Variants in MEI1 observed in about 807,000 individuals in gnomAD.
The protein encoded by MEI1 is meiosis inhibitor protein 1.
A neutral mutation model predicts 146.2 loss-of-function variants in MEI1; 103 were observed. The ratio of observed to expected loss-of-function variants is 0.70; its 90% CI spans 0.60 to 0.83. MEI1 has a LOEUF of 0.83. Ranked by LOEUF, MEI1 falls within the 40% of genes least tolerant of loss-of-function variation. The pLI is 0.00. For missense variants in MEI1, 1,529 were observed against 1,533.0 expected (o/e 1.00, Z 0.04); for synonymous variants, 652 against 628.2 (o/e 1.04, Z -0.57).
intron 30 of MEI1, among the ~76,000 whole-genome samples, chr22:41,798,363 G>A (rs1349553901): frequency 1.3e-5 from 2 of 152,090 alleles, no homozygotes; most frequent in African/African-American, 4.8e-5. Flanking sequence ...GATCACCTGA[G>A]CTCAGGAGTT....
intron 11 of MEI1, among the ~76,000 whole-genome samples, chr22:41,742,264 T>C (rs73426969): frequency 0.016 from 2,452 of 152,136 alleles, 61 homozygotes; most frequent in African/African-American, 0.055. Context: ...CATCTCTGGA[T>C]CTTAGTAACA....
Position 41,784,675 on chromosome 22 carries a change from G to T in MEI1, c.3237G>T (p.Val1079=), listed in dbSNP as rs200941710. 1.2e-6 allele frequency: 2 copies of T among 1,613,536 alleles called. No individual in the cohort carries two copies. The highest frequency in any genetic ancestry group is 1.7e-4 in the Middle Eastern group (1 of 6,060). The change falls in exon 26 of 31, where the codon GTG becomes GTT. Residue 1079 remains valine, a synonymous_variant. Coordinates refer to ENST00000401548, the MANE Select transcript of MEI1 (RefSeq NM_152513.4). ...QSFSSALVAL[V]PSGAQPLPAT... ...TTTCCTCTGCCCTGGTAGCCCTGGT[G>T]CCCTCAGGGGCCCAGCCACTGCCAG...
At chr22:41,701,675 C>T (rs945295620) in intron 1 of MEI1, among the ~76,000 whole-genome samples, 3 of 151,862 alleles carry the variant, frequency 2.0e-5, no homozygotes, top group Non-Finnish European at 4.4e-5. Flanking sequence ...GACAGTGCAG[C>T]GGGGAGAAAT....
intron 14 of MEI1, chr22:41,747,262 CTG>C (rs1231768901): frequency 1.3e-5 from 2 of 149,560 alleles, no homozygotes; most frequent in Non-Finnish European, 3.0e-5. Context: ...TAATTCAGAG[CTG>C]TGTTTACCAC....
intron 3 of MEI1, among the ~76,000 whole-genome samples, chr22:41,706,772 A>G (rs1294721012): frequency 8.5e-5 from 13 of 152,102 alleles, no homozygotes; most frequent in Admixed American, 4.6e-4. Context: ...AAGGGTTTGT[A>G]GAGAAAGAAG....
At chr22:41,728,911 T>C (rs570707106) in intron 7 of MEI1, among the ~76,000 whole-genome samples, 1 of 150,674 alleles carries the variant, frequency 6.6e-6, no homozygotes, top group Non-Finnish European at 1.5e-5. Context: ...CATGCCTATA[T>C]TCCCAGCACT....
chr22:41,701,141 G>C (rs1255753380), intron 1 of MEI1, among the ~76,000 whole-genome samples: 1 of 151,876 alleles, frequency 6.6e-6, no homozygotes, highest in Admixed American at 6.6e-5. Flanking sequence ...GTTTCTCCAT[G>C]TTGGTCAGGT....
Position 41,769,922 on chromosome 22 carries a change from G to A in MEI1, c.2269-764G>A, listed in dbSNP as rs149828393. Among the ~76,000 whole-genome samples, 519 of 151,556 alleles carry A rather than the reference G, an allele frequency of 3.4e-3. 1 individual carries two copies. The highest frequency in any genetic ancestry group is 7.4e-3 in the Admixed American group (113 of 15,220). On this transcript the variant is annotated intron_variant, in intron 19 of 30. Transcript: ENST00000401548. ...GGCCAAGGCGGGCAGATCACCTGAG[G>A]TCAGGGGTTTGAAACCAGCCTGACC...
intron 26 of MEI1, among the ~76,000 whole-genome samples, chr22:41,787,162 G>A (rs543034317): frequency 4.6e-5 from 7 of 152,320 alleles, no homozygotes; most frequent in Admixed American, 1.3e-4. Context: ...TAATCTTTGT[G>A]TGTCCTTCCC....
At chr22:41,737,762 A>G (rs1432895164) in intron 11 of MEI1, among the ~76,000 whole-genome samples, 1 of 152,158 alleles carries the variant, frequency 6.6e-6, no homozygotes, top group East Asian at 1.9e-4. Context: ...TCCAGGAGCT[A>G]AAGGACCTTG....
At chr22:41,786,543 GTAGCTCC>G (rs1305194861) in intron 26 of MEI1, among the ~76,000 whole-genome samples, 5 of 152,224 alleles carry the variant, frequency 3.3e-5, no homozygotes, top group African/African-American at 1.2e-4. Flanking sequence ...ATGACCAGCA[GTAGCTCC>G]TAGCTTATAT....
chr22:41,740,220 A>G (rs1452584476), intron 11 of MEI1, among the ~76,000 whole-genome samples: 19 of 152,122 alleles, frequency 1.2e-4, no homozygotes, highest in Non-Finnish European at 2.5e-4. Context: ...CGTTTTCACC[A>G]TATTGGCCAG....
At chr22:41,762,631 C>T (rs1003304624) in intron 18 of MEI1, among the ~76,000 whole-genome samples, 3 of 150,250 alleles carry the variant, frequency 2.0e-5, no homozygotes, top group Admixed American at 6.7e-5. Flanking sequence ...AAGCAGTTCT[C>T]CCACCACAGC....
intron 26 of MEI1, among the ~76,000 whole-genome samples, chr22:41,785,899 T>TTTTTA (rs1555999850): frequency 7.8e-6 from 1 of 128,190 alleles, no homozygotes; most frequent in Admixed American, 9.7e-5. Context: ...TTTTTTATTT[T>TTTTTA]TTTATTTTTT....
intron 7 of MEI1, among the ~76,000 whole-genome samples, chr22:41,728,930 C>T (rs2071602213): frequency 6.6e-6 from 1 of 151,646 alleles, no homozygotes; most frequent in Admixed American, 6.6e-5. Context: ...CTTTGGGAGG[C>T]CAAGGCAAGT....
At chr22:41,736,537 G>C (rs998795663) in intron 11 of MEI1, among the ~76,000 whole-genome samples, 13 of 152,144 alleles carry the variant, frequency 8.5e-5, no homozygotes, top group African/African-American at 3.1e-4. Flanking sequence ...ACAGGCGTGA[G>C]CTACCGCGCC....
chr22:41,762,066 C>T (rs2074528038), intron 18 of MEI1, among the ~76,000 whole-genome samples: 1 of 152,176 alleles, frequency 6.6e-6, no homozygotes, highest in Non-Finnish European at 1.5e-5. Flanking sequence ...CACCTTTTGG[C>T]TATTGTGAAT....
intron 18 of MEI1, among the ~76,000 whole-genome samples, chr22:41,760,092 G>A (rs2074377066): frequency 6.6e-6 from 1 of 151,976 alleles, no homozygotes; most frequent in Non-Finnish European, 1.5e-5. Flanking sequence ...GGTGGATTAC[G>A]AGGTCAGGAG....
intron 3 of MEI1, among the ~76,000 whole-genome samples, chr22:41,709,786 A>G (rs756424322): frequency 1.3e-5 from 2 of 152,112 alleles, no homozygotes; most frequent in African/African-American, 2.4e-5. Context: ...TAGTAGAATA[A>G]TCCCTTATTT....
Sources: gnomAD v4.1 joint callset for allele counts (sites outside exome capture counted in the v4.1 genomes callset) on GRCh38, gnomAD v4.1.1 for gene constraint, MANE v1.5 for transcripts, NCBI Gene and HGNC (gene_info 2026-07-23, HGNC 2026-07-21) for gene names.